The following FAM13A variants were observed in gnomAD, a reference collection of about 807,000 sequenced individuals.
FAM13A encodes the protein family with sequence similarity 13 member A.
FAM13A carries 76 observed loss-of-function variants against 129.6 expected under a neutral mutation model. That is an observed-to-expected ratio of 0.59 (90% CI 0.49 to 0.71). FAM13A has a LOEUF of 0.71. Among genes scored for constraint, FAM13A ranks in the 30% least tolerant of loss-of-function variants. FAM13A has a pLI of 0.00. For missense variants in FAM13A, 1,108 were observed against 1,249.3 expected (o/e 0.89, Z 1.70); for synonymous variants, 443 against 449.9 (o/e 0.98, Z 0.20).
chr4:88,878,707 C>T (rs1422094619), intron 6 of FAM13A, among the ~76,000 whole-genome samples: 1 of 152,134 alleles, frequency 6.6e-6, no homozygotes, highest in Non-Finnish European at 1.5e-5. Context: ...TAGTGATTGC[C>T]TTAAGAATCT....
chr4:89,037,612 T>C (rs1339747118), intron 1 of FAM13A, among the ~76,000 whole-genome samples: 4 of 152,218 alleles, frequency 2.6e-5, no homozygotes, highest in African/African-American at 7.2e-5. Context: ...TTTGCAATGT[T>C]AGAAGGACAT....
intron 21 of FAM13A, 118 bp downstream of exon 21, chr4:88,737,354 C>A: frequency 1.2e-6 from 1 of 801,576 alleles, no homozygotes; most frequent in South Asian, 1.4e-5. Flanking sequence ...TTAGGGAATG[C>A]TGTAAGAAGC....
intron 22 of FAM13A, 40 bp from the exon 23 acceptor site, chr4:88,731,468 T>A (rs781232272): frequency 1.6e-6 from 2 of 1,250,358 alleles, no homozygotes; most frequent in Non-Finnish European, 2.3e-6. Flanking sequence ...TAAGTTAAAT[T>A]TGAGTTGTCA....
intron 3 of FAM13A, chr4:89,008,965 T>C (rs1029880545): frequency 2.0e-5 from 3 of 152,144 alleles, no homozygotes; most frequent in Non-Finnish European, 4.4e-5. Context: ...ATTTTACTCA[T>C]CCATTTAAAA....
chr4:88,766,198 T>C (rs1293563685), intron 13 of FAM13A, among the ~76,000 whole-genome samples: 1 of 152,090 alleles, frequency 6.6e-6, no homozygotes, highest in Non-Finnish European at 1.5e-5. Flanking sequence ...TCATGTTAGA[T>C]AGGAGAAGAG....
At chr4:89,050,910 AG>A (rs1297117546) in intron 1 of FAM13A, among the ~76,000 whole-genome samples, 2 of 152,192 alleles carry the variant, frequency 1.3e-5, no homozygotes, top group African/African-American at 4.8e-5. Flanking sequence ...CCTGGGCAAC[AG>A]AGCAAGACTT....
At chr4:88,974,812 G>A (rs1442013952) in intron 4 of FAM13A, among the ~76,000 whole-genome samples, 1 of 152,262 alleles carries the variant, frequency 6.6e-6, no homozygotes, top group East Asian at 1.9e-4. Flanking sequence ...CTAAAATGGG[G>A]AGAGTTCAGA....
chr4:88,924,142 A>C (rs2148733305), intron 5 of FAM13A, among the ~76,000 whole-genome samples: 1 of 152,326 alleles, frequency 6.6e-6, no homozygotes, highest in South Asian at 2.1e-4. Flanking sequence ...GGTAATTTAT[A>C]CCTTCAATGC....
At chr4:88,790,514 C>G (rs879025997) in intron 9 of FAM13A, 72 bp downstream of exon 9, 377 of 808,570 alleles carry the variant, frequency 4.7e-4, no homozygotes, top group Non-Finnish European at 5.8e-4. Flanking sequence ...CTTTTTTTTT[C>G]TGTTTAATAA....
Position 88,758,913 on chromosome 4 carries a change from G to A in FAM13A, c.1579-12C>T. On this transcript the variant is annotated splice_polypyrimidine_tract_variant and intron_variant, in intron 13 of 23. Coordinates refer to ENST00000264344, the MANE Select transcript of FAM13A (RefSeq NM_014883.4). ...TTCATTGTGGGGCTCTGCAATAACA[G>A]CACAATGTCCCCAAATATCTACTGC... 1.2e-6 allele frequency: 2 copies of A among 1,611,470 alleles called. No homozygotes were observed. Among genetic ancestry groups the A allele is most frequent in the Non-Finnish European group, 1.7e-6 (2 of 1,178,552 alleles).
chr4:88,896,623 T>C (rs953417263), intron 6 of FAM13A, among the ~76,000 whole-genome samples: 2 of 152,190 alleles, frequency 1.3e-5, no homozygotes, highest in Non-Finnish European at 2.9e-5. Context: ...TCTTAAATGA[T>C]TCATAGTTCC....
At position 88,985,914 on chromosome 4, in the gene FAM13A, G is replaced by GTTC. The variant is rs554797084; in HGVS notation, c.605+5058_605+5059insGAA. ...GATAAAAAGCAAAGTGAAGAACAGT[G>GTTC]TAAGGAACACATAGAAATAAGAATG... On this transcript the variant is annotated intron_variant, in intron 4 of 23. Transcript: ENST00000264344. 8.7e-3 allele frequency among the ~76,000 whole-genome samples: 1,311 copies of GTTC among 150,728 alleles called. 12 individuals are homozygous for GTTC. Among genetic ancestry groups the GTTC allele is most frequent in the Non-Finnish European group, 0.014 (964 of 67,800 alleles).
At chr4:88,931,488 A>C (rs1753026205) in intron 5 of FAM13A, among the ~76,000 whole-genome samples, 1 of 151,826 alleles carries the variant, frequency 6.6e-6, no homozygotes, top group Non-Finnish European at 1.5e-5. Flanking sequence ...GCTGCCTCAA[A>C]CCCTCTCCTT....
chr4:88,741,469 T>C (rs1740237588), intron 19 of FAM13A, among the ~76,000 whole-genome samples: 1 of 152,210 alleles, frequency 6.6e-6, no homozygotes, highest in Non-Finnish European at 1.5e-5. Context: ...GTGGTTTTCC[T>C]CTGTGGAACC....
chr4:88,849,925 A>G (rs1737267785), intron 7 of FAM13A, among the ~76,000 whole-genome samples: 1 of 152,152 alleles, frequency 6.6e-6, no homozygotes, highest in South Asian at 2.1e-4. Context: ...TATACCTCCT[A>G]AGTAAGCATA....
At chr4:88,876,749 G>A (rs551582955) in intron 6 of FAM13A, among the ~76,000 whole-genome samples, 392 of 152,082 alleles carry the variant, frequency 2.6e-3, no homozygotes, top group Middle Eastern at 0.02. Context: ...CTGCCACCAC[G>A]CCCAGCTAAT....
At chr4:88,970,930 C>T (rs552555101) in intron 4 of FAM13A, among the ~76,000 whole-genome samples, 10 of 152,264 alleles carry the variant, frequency 6.6e-5, no homozygotes, top group South Asian at 6.2e-4. Flanking sequence ...AGAAGTTGGC[C>T]GGGTGCAGTG....
At chr4:88,833,302 C>G (rs1436869953) in intron 7 of FAM13A, among the ~76,000 whole-genome samples, 1 of 152,056 alleles carries the variant, frequency 6.6e-6, no homozygotes, top group Non-Finnish European at 1.5e-5. Flanking sequence ...TTGACAGGTG[C>G]TGCAAACCAC....
rs184144142 is a variant in FAM13A at position 88,920,734 on chromosome 4, C to T, written c.760-14272G>A. ...TTGACGAGTTGAGAGAAGAAGGCTT[C>T]AGATGATCAAACTACTCCGAGCTAC... On this transcript the variant is annotated intron_variant, in intron 5 of 23. Transcript: ENST00000264344. Among the ~76,000 whole-genome samples the T allele has an allele frequency of 5.5e-3, 840 of 152,246 alleles. 6 individuals carry two copies. Among genetic ancestry groups the T allele is most frequent in the African/African-American group, 0.018 (727 of 41,538 alleles).
Sources: gnomAD v4.1 joint callset for allele counts (sites outside exome capture counted in the v4.1 genomes callset) on GRCh38, gnomAD v4.1.1 for gene constraint, MANE v1.5 for transcripts, NCBI Gene and HGNC (gene_info 2026-07-23, HGNC 2026-07-21) for gene names.